NAV2: variants seen among roughly 807,000 people sequenced by gnomAD.
NAV2 encodes neuron navigator 2.
In NAV2, 54 loss-of-function variants were observed where a neutral mutation model predicts 223.2. That is an observed-to-expected ratio of 0.24 (90% CI 0.19 to 0.30). NAV2 has a LOEUF of 0.30. NAV2 is among the 10% of genes least tolerant of loss of function. The pLI is 1.00. For missense variants in NAV2, 2,806 were observed against 3,147.5 expected (o/e 0.89, Z 2.60); for synonymous variants, 1,279 against 1,239.3 (o/e 1.03, Z -0.67).
intron 1 of NAV2, among the ~76,000 whole-genome samples, chr11:19,366,691 C>T (rs113672289): frequency 0.016 from 2,457 of 152,214 alleles, 68 homozygotes; most frequent in African/African-American, 0.056. Flanking sequence ...AGCCTCAGTT[C>T]CCTCATCTGT....
At chr11:19,751,079 G>C (rs1167683004) in intron 1 of NAV2, among the ~76,000 whole-genome samples, 1 of 152,160 alleles carries the variant, frequency 6.6e-6, no homozygotes, top group Non-Finnish European at 1.5e-5. Context: ...ATAGACTATA[G>C]CAAGAGTATT....
chr11:19,407,008 T>C (rs1316896022), intron 1 of NAV2, among the ~76,000 whole-genome samples: 2 of 152,220 alleles, frequency 1.3e-5, no homozygotes, highest in Admixed American at 1.3e-4. Flanking sequence ...TTAACTCATT[T>C]AATCTCTCCT....
At chr11:19,558,090 C>T (rs1158666730) in intron 1 of NAV2, among the ~76,000 whole-genome samples, 2 of 152,144 alleles carry the variant, frequency 1.3e-5, no homozygotes, top group African/African-American at 4.8e-5. Flanking sequence ...GTATTTAAAA[C>T]CTGCTGTTAT....
intron 1 of NAV2, among the ~76,000 whole-genome samples, chr11:19,509,725 C>A (rs1195952441): frequency 6.6e-6 from 1 of 152,174 alleles, no homozygotes; most frequent in South Asian, 2.1e-4. Context: ...TGTTTCCCCC[C>A]TAAAGCCTTA....
intron 10 of NAV2, among the ~76,000 whole-genome samples, chr11:19,956,817 C>A (rs1312524089): frequency 2.0e-5 from 3 of 152,106 alleles, no homozygotes; most frequent in Non-Finnish European, 4.4e-5. Flanking sequence ...CCATCTCCAT[C>A]CCCGCCTTAC....
intron 4 of NAV2, among the ~76,000 whole-genome samples, chr11:19,874,911 C>A (rs1591010512): frequency 1.3e-5 from 2 of 152,244 alleles, no homozygotes; most frequent in Non-Finnish European, 2.9e-5. Flanking sequence ...AATCCCAGCA[C>A]TTTGGGAGGC....
intron 1 of NAV2, among the ~76,000 whole-genome samples, chr11:19,449,538 G>A (rs951589249): frequency 4.3e-4 from 65 of 150,982 alleles, no homozygotes; most frequent in African/African-American, 1.6e-3. Flanking sequence ...TCCTCAGGCA[G>A]GGACCGCCAC....
intron 1 of NAV2, among the ~76,000 whole-genome samples, chr11:19,745,290 T>C (rs1425612111): frequency 6.6e-6 from 1 of 152,254 alleles, no homozygotes; most frequent in Non-Finnish European, 1.5e-5. Flanking sequence ...AGGTGTTTAT[T>C]TTATGACTGC....
chr11:19,939,568 A>G lies in NAV2; in HGVS notation c.2034-93A>G. On this transcript the variant is annotated intron_variant, in intron 7 of 37. Coordinates refer to ENST00000349880, the MANE Select transcript of NAV2 (RefSeq NM_145117.5). ...CTGTTCTGAAGCTTCTTGCTACAGG[A>G]GGTGATGGTGAGGGCTGTGGTTAGA... The G allele has an allele frequency of 2.4e-6, 2 of 828,166 alleles. 1 individual carries two copies. The highest frequency in any genetic ancestry group is 3.2e-5 in the South Asian group (2 of 62,908). The allele number at this position is 828,166 out of a possible 1,614,324, so 51.3% of individuals were successfully genotyped here.
chr11:19,692,385 T>C (rs762770415), intron 1 of NAV2, among the ~76,000 whole-genome samples: 3 of 152,278 alleles, frequency 2.0e-5, no homozygotes, highest in Admixed American at 1.3e-4. Flanking sequence ...TGCTTGCTTG[T>C]GTCTGGGAAA....
chr11:19,707,130 A>G (rs1018755864), intron 1 of NAV2, among the ~76,000 whole-genome samples: 3 of 152,246 alleles, frequency 2.0e-5, no homozygotes, highest in African/African-American at 7.2e-5. Context: ...GTGAGTGGTG[A>G]GAGAATGTAA....
chr11:20,031,183 T>C (rs1000827766), intron 11 of NAV2, among the ~76,000 whole-genome samples: 5 of 152,232 alleles, frequency 3.3e-5, no homozygotes, highest in African/African-American at 1.2e-4. Context: ...TGCTGTGTTA[T>C]CGAGGTCCCC....
At chr11:19,787,990 T>C (rs1010429239) in intron 1 of NAV2, among the ~76,000 whole-genome samples, 5 of 152,154 alleles carry the variant, frequency 3.3e-5, no homozygotes, top group Non-Finnish European at 7.4e-5. Flanking sequence ...ACATGTTACT[T>C]TCTCCATTCT....
intron 11 of NAV2, among the ~76,000 whole-genome samples, chr11:20,031,185 G>A (rs926898465): frequency 6.6e-6 from 1 of 152,222 alleles, no homozygotes; most frequent in Non-Finnish European, 1.5e-5. Flanking sequence ...CTGTGTTATC[G>A]AGGTCCCCAA....
chr11:19,370,424 C>G (rs1307338938), intron 1 of NAV2, among the ~76,000 whole-genome samples: 4 of 152,142 alleles, frequency 2.6e-5, no homozygotes, highest in African/African-American at 9.7e-5. Context: ...TACCTAGGTC[C>G]AGCTATTGTG....
chr11:19,587,118 G>T (rs751002646), intron 1 of NAV2, among the ~76,000 whole-genome samples: 7 of 152,180 alleles, frequency 4.6e-5, no homozygotes, highest in Admixed American at 1.3e-4. Flanking sequence ...CTTGCAGTTT[G>T]ATCTCAGATT....
chr11:20,001,964 A>G (rs546754663), intron 11 of NAV2, among the ~76,000 whole-genome samples: 1 of 152,162 alleles, frequency 6.6e-6, no homozygotes, highest in African/African-American at 2.4e-5. Flanking sequence ...TTGTGTGGCT[A>G]TAAGCAACAG....
intron 1 of NAV2, among the ~76,000 whole-genome samples, chr11:19,723,903 G>A (rs185780733): frequency 1.3e-5 from 2 of 152,204 alleles, no homozygotes; most frequent in Non-Finnish European, 2.9e-5. Context: ...TTCAAAATGT[G>A]TGGGCCACAA....
chr11:20,065,915 A>G (rs1401153347), intron 20 of NAV2, among the ~76,000 whole-genome samples: 1 of 152,220 alleles, frequency 6.6e-6, no homozygotes, highest in Non-Finnish European at 1.5e-5. Context: ...ATGTAACTAT[A>G]GTAAAAGTGC....
Sources: allele counts gnomAD v4.1 joint callset (sites outside exome capture counted in the v4.1 genomes callset), GRCh38; gene constraint gnomAD v4.1.1; transcripts MANE v1.5; gene names NCBI Gene and HGNC (gene_info 2026-07-23, HGNC 2026-07-21).